Variants in KCNH2 observed in about 807,000 individuals in gnomAD.
The protein encoded by KCNH2 is potassium voltage-gated channel subfamily H member 2.
A neutral mutation model predicts 95.9 loss-of-function variants in KCNH2; 35 were observed. The observed-to-expected ratio is 0.37, with a 90% CI of 0.28 to 0.48. KCNH2 has a LOEUF of 0.48. Among genes scored for constraint, KCNH2 ranks in the 20% least tolerant of loss-of-function variants. The pLI is 0.99. For missense variants in KCNH2, 1,274 were observed against 1,702.9 expected (o/e 0.75, Z 4.43); for synonymous variants, 786 against 754.7 (o/e 1.04, Z -0.68).
chr7:150,967,389 C>T (rs555303270), intron 2 of KCNH2, among the ~76,000 whole-genome samples: 6 of 152,318 alleles, frequency 3.9e-5, no homozygotes, highest in Non-Finnish European at 7.3e-5. Context: ...CCTCAGCAGA[C>T]GCTAAGACAT....
At position 150,947,601 on chromosome 7, in the gene KCNH2, G is replaced by A; in HGVS notation, c.2965+5C>T. On this transcript the variant is annotated splice_donor_5th_base_variant and intron_variant, in intron 12 of 14. Coordinates refer to ENST00000262186, the MANE Select transcript of KCNH2 (RefSeq NM_000238.4). Reference sequence around the variant, plus strand: ...CCTCCCTCGCCCGCCCGTCGCCCGGGATACCTGACAGGGGGTTGCAAGTGT... The same window carrying A: ...CCTCCCTCGCCCGCCCGTCGCCCGGAATACCTGACAGGGGGTTGCAAGTGT... The A allele has an allele frequency of 1.2e-6, 2 of 1,612,432 alleles. No homozygotes were observed. Among genetic ancestry groups the A allele is most frequent in the Non-Finnish European group, 1.7e-6 (2 of 1,179,394 alleles).
intron 4 of KCNH2, 98 bp from the exon 5 acceptor site, chr7:150,957,600 A>AG: frequency 1.1e-6 from 1 of 870,446 alleles, no homozygotes; most frequent in South Asian, 1.4e-5. Flanking sequence ...CTGCACAGTC[A>AG]GGAGTCCATG....
rs753837732 is a variant in KCNH2 at position 150,974,841 on chromosome 7, C to T, written c.177G>A (p.Val59=). Residue 59 remains valine (V), a synonymous_variant, in exon 2 of 15, where the codon GTG becomes GTA. Coordinates refer to ENST00000262186, the MANE Select transcript of KCNH2 (RefSeq NM_000238.4). ...AGTCGCAGGTGCAGGGTCGCTGCAT[C>T]ACCTCGGCCCGCGAGTAGCCGCACA... ...CELCGYSRAE[V]MQRPCTCDFL... The T allele has an allele frequency of 1.9e-6, 3 of 1,609,224 alleles. No homozygotes were observed. In the Admixed American group the frequency reaches 5.0e-5, roughly 27 times the overall value.
At chr7:150,947,237 C>G in intron 13 of KCNH2, 91 bp downstream of exon 13, 2 of 1,215,602 alleles carry the variant, frequency 1.6e-6, no homozygotes, top group Non-Finnish European at 2.3e-6. Flanking sequence ...GCTGCACACA[C>G]AGACAGGCCC....
At chr7:150,955,335 C>T in intron 5 of KCNH2, 1 of 1,504,194 alleles carries the variant, frequency 6.6e-7, no homozygotes, top group Non-Finnish European at 9.0e-7. Context: ...AGCCCTTGGG[C>T]CAGCCACCTG....
intron 2 of KCNH2, among the ~76,000 whole-genome samples, chr7:150,971,652 A>G (rs1801843108): frequency 6.6e-6 from 1 of 151,682 alleles, no homozygotes; most frequent in Admixed American, 6.6e-5. Flanking sequence ...AGGCGAGGGA[A>G]GAAGACAGGA....
At chr7:150,975,794 G>A (rs775269156) in intron 1 of KCNH2, among the ~76,000 whole-genome samples, 1 of 152,234 alleles carries the variant, frequency 6.6e-6, no homozygotes, top group Non-Finnish European at 1.5e-5. Flanking sequence ...AAGGTCATAG[G>A]AAGCAAAGAG....
chr7:150,974,253 A>G (rs981565849), intron 2 of KCNH2, among the ~76,000 whole-genome samples: 1 of 152,152 alleles, frequency 6.6e-6, no homozygotes, highest in African/African-American at 2.4e-5. Context: ...CTGTCCCTCC[A>G]TGACATCTCC....
chr7:150,946,760 A>C lies in KCNH2; in HGVS notation c.3330+117T>G. 1.0e-6 allele frequency: 1 copy of C among 958,214 alleles called. No homozygotes were observed. Among genetic ancestry groups the C allele is most frequent in the Non-Finnish European group, 1.6e-6 (1 of 637,774 alleles). 59.4% of individuals were successfully genotyped at this position (958,214 alleles called of 1,614,324 possible). A position where few individuals can be genotyped will look rare whatever the true frequency, so the allele number is the denominator to read the frequency against. ...GGACAGGGGTGGGAGGAGGGCAGGA[A>C]CAAGGTTCAGGGAGGCTGGGCCACA... On this transcript the variant is annotated intron_variant, in intron 14 of 14. Transcript: ENST00000262186. The surrounding 1 kb of genome is among the most constrained non-coding windows in gnomAD (Gnocchi z 6.5).
chr7:150,957,285 G>T lies in KCNH2; in HGVS notation c.1128+6C>A, dbSNP rs746127862. The T allele has an allele frequency of 1.3e-6, 2 of 1,560,808 alleles. No homozygotes were observed. Among genetic ancestry groups the T allele is most frequent in the South Asian group, 2.4e-5 (2 of 84,866 alleles). Reference sequence around the variant, plus strand: ...TGAGAGGAGAGCCCGGCCGCTGGGCGCCTACCTGGGTGACCTTCTCAGTGA... The same window carrying T: ...TGAGAGGAGAGCCCGGCCGCTGGGCTCCTACCTGGGTGACCTTCTCAGTGA... On this transcript the variant is annotated splice_donor_region_variant and intron_variant, in intron 5 of 14. Coordinates refer to ENST00000262186, the MANE Select transcript of KCNH2 (RefSeq NM_000238.4).
At chr7:150,953,494 CAT>C (rs1011554857) in intron 5 of KCNH2, among the ~76,000 whole-genome samples, 1 of 152,194 alleles carries the variant, frequency 6.6e-6, no homozygotes, top group African/African-American at 2.4e-5. Flanking sequence ...ACAAAGAAGA[CAT>C]AGCCCAGCTG....
intron 9 of KCNH2, 21 bp downstream of exon 9, chr7:150,950,147 T>TGGGGGGGGGGGGGGCGGGGGGGGGGGGG: frequency 1.2e-6 from 1 of 843,282 alleles, no homozygotes; most frequent in Non-Finnish European, 1.9e-6. Flanking sequence ...TCCAGTCCAG[T>TGGGGGGGGGGGGGGCGGGGGGGGGGGGG]GCCCGCCCCC....
intron 8 of KCNH2, 68 bp from the exon 9 acceptor site, chr7:150,950,488 C>T (rs910210951): frequency 7.0e-6 from 11 of 1,568,612 alleles, no homozygotes; most frequent in African/African-American, 2.7e-5. Flanking sequence ...CTCTACTCCA[C>T]CATCCCACCC....
chr7:150,973,248 T>C (rs576537384), intron 2 of KCNH2, among the ~76,000 whole-genome samples: 109 of 152,306 alleles, frequency 7.2e-4, no homozygotes, highest in Admixed American at 2.7e-3. Flanking sequence ...AGCATACAGA[T>C]AGACCTGCAA....
chr7:150,970,403 C>G (rs150987673), intron 2 of KCNH2, among the ~76,000 whole-genome samples: 1 of 152,122 alleles, frequency 6.6e-6, no homozygotes, highest in Non-Finnish European at 1.5e-5. Context: ...CTGCAGAAGA[C>G]GCAACACGGA....
chr7:150,957,384 G>T lies in KCNH2; in HGVS notation c.1035C>A (p.Gly345=). 1 of 1,614,094 alleles carries T rather than the reference G, an allele frequency of 6.2e-7. No individual in the cohort carries two copies. The highest frequency in any genetic ancestry group is 8.5e-7 in the Non-Finnish European group (1 of 1,179,976). ...TGGTGGGCGAAGCCAAGAAGGGGTCGCCCTTGAGGTCCACAAAGTTGAGGG... is the reference window on the plus strand; with the variant it reads ...TGGTGGGCGAAGCCAAGAAGGGGTCTCCCTTGAGGTCCACAAAGTTGAGGG... ...QITLNFVDLK[G]DPFLASPTSD... is the part of the protein sequence containing the mutation. The change falls in exon 5 of 15, where the codon GGC becomes GGA. Residue 345 remains glycine (G), a synonymous_variant. Transcript: ENST00000262186.
chr7:150,948,827 T>G (rs774390249), intron 10 of KCNH2, 29 bp downstream of exon 10: 1 of 1,601,668 alleles, frequency 6.2e-7, no homozygotes, highest in Non-Finnish European at 8.6e-7. Flanking sequence ...AGCAGGAGGA[T>G]GGGGTCCAGC....
In KCNH2 at chr7:150,977,677, C is replaced by G. The variant is rs35277497; in HGVS notation, c.76+161G>C. On this transcript the variant is annotated intron_variant, in intron 1 of 14. Transcript: ENST00000262186. ...GTGCCCACGGCCCCGGTGCACCAAG[C>G]CTTGCCCCCGCCGTCCCCTCGCCAA... is the stretch of plus-strand genomic sequence containing the variant. Among the ~76,000 whole-genome samples, 40,003 of 150,666 alleles carry G rather than the reference C, an allele frequency of 0.27. 5,998 individuals are homozygous for G. Among genetic ancestry groups the G allele is most frequent in the Non-Finnish European group, 0.34 (23,150 of 67,500 alleles).
rs41307322 is a variant in KCNH2, at chr7:150,962,204, G to A, written c.308-2468C>T. 2.6e-5 allele frequency among the ~76,000 whole-genome samples: 4 copies of A among 152,240 alleles called. No individual in the cohort carries two copies. Among genetic ancestry groups the A allele is most frequent in the Admixed American group, 2.6e-4 (4 of 15,284 alleles). ...CCCTAATATGGTGATGGCCGGCAGC[G>A]GCCTGAACAGGGATGCGCCTCACCA... On this transcript the variant is annotated intron_variant, in intron 2 of 14. Coordinates refer to ENST00000262186, the MANE Select transcript of KCNH2 (RefSeq NM_000238.4). This position sits in a 1 kb window ranked among gnomAD's most constrained non-coding sequence, Gnocchi z 5.7.
Sources: allele counts gnomAD v4.1 joint callset (sites outside exome capture counted in the v4.1 genomes callset), GRCh38; gene constraint gnomAD v4.1.1; non-coding constraint Gnocchi (gnomAD v3.1); transcripts MANE v1.5; gene names NCBI Gene and HGNC (gene_info 2026-07-23, HGNC 2026-07-21).